SLC4A4: variants seen among roughly 807,000 people sequenced by gnomAD.
SLC4A4 encodes the protein solute carrier family 4 member 4, also known as electrogenic sodium bicarbonate cotransporter 1.
Under a neutral mutation model 111.5 loss-of-function variants are expected in SLC4A4, and 27 were observed. The ratio of observed to expected loss-of-function variants is 0.24; its 90% CI spans 0.18 to 0.33. The LOEUF (loss-of-function observed/expected upper bound fraction) is 0.33. Ranked by LOEUF, SLC4A4 falls within the 10% of genes least tolerant of loss-of-function variation. The probability of loss-of-function intolerance (pLI) is 1.00; values close to 1 mark genes in which losing one functional copy is unlikely to be tolerated. For synonymous variants in SLC4A4, 443 were observed against 463.4 expected, an observed-to-expected ratio of 0.96 and a Z score of 0.57; for missense variants, 909 against 1,315.5, an observed-to-expected ratio of 0.69 and a Z score of 4.78.
At chr4:71,249,248 T>C (rs181710410) in intron 2 of SLC4A4, among the ~76,000 whole-genome samples, 128 of 152,268 alleles carry the variant, frequency 8.4e-4, no homozygotes, top group African/African-American at 2.8e-3. Context: ...AGCGTTAAAA[T>C]TAAAATAAAT....
Position 71,366,345 on chromosome 4 carries a change from GT to G in SLC4A4, c.730+9159del, listed in dbSNP as rs1731315696. ...TGTGTGTGTGTGTGTGTGTGTGTGT[GT>G]GTGTGTGTGTATCTATTTGCTTGAT... On this transcript the variant is annotated intron_variant, in intron 6 of 25. Transcript: ENST00000264485. 4.6e-5 allele frequency among the ~76,000 whole-genome samples: 7 copies of G among 151,832 alleles called. No individual in the cohort carries two copies. The South Asian group carries it at 1.5e-3, about 32-fold the overall frequency.
intron 2 of SLC4A4, among the ~76,000 whole-genome samples, chr4:71,116,579 G>A (rs1286916086): frequency 6.6e-6 from 1 of 152,160 alleles, no homozygotes; most frequent in African/African-American, 2.4e-5. Context: ...GTAGACAATA[G>A]CTGGTTTTCA....
intron 2 of SLC4A4, among the ~76,000 whole-genome samples, chr4:71,247,627 T>G (rs1712732927): frequency 6.6e-6 from 1 of 152,216 alleles, no homozygotes; most frequent in South Asian, 2.1e-4. Flanking sequence ...GAATTAGCTA[T>G]TGTTTTTTTA....
chr4:71,154,186 T>C (rs1452444554), intron 2 of SLC4A4, among the ~76,000 whole-genome samples: 2 of 152,156 alleles, frequency 1.3e-5, no homozygotes, highest in Non-Finnish European at 2.9e-5. Context: ...TCTACAGACT[T>C]GATAACCTTT....
intron 8 of SLC4A4, 39 bp downstream of exon 8, chr4:71,440,812 T>C (rs952546122): frequency 3.7e-6 from 6 of 1,605,364 alleles, no homozygotes; most frequent in Middle Eastern, 1.8e-4. Context: ...AATGTGCTAA[T>C]AGGGTTATCT....
intron 7 of SLC4A4, among the ~76,000 whole-genome samples, chr4:71,420,126 C>A (rs1007834540): frequency 6.6e-6 from 1 of 152,112 alleles, no homozygotes; most frequent in Non-Finnish European, 1.5e-5. Flanking sequence ...ATAACCAATA[C>A]AGAGAAGTAC....
Position 71,439,383 on chromosome 4 carries a change from G to A in SLC4A4, c.808-1233G>A, listed in dbSNP as rs150699056. On this transcript the variant is annotated intron_variant, in intron 7 of 25. Coordinates refer to ENST00000264485, the MANE Select transcript of SLC4A4 (RefSeq NM_001098484.3). The stretch of plus-strand genomic sequence containing the variant: ...GCAAAGGTTGCAGTGAGCCGAGATC[G>A]CGCCACTGCACCACTGCACTTCAAC... Among the ~76,000 whole-genome samples, 1,018 of 125,280 alleles carry A rather than the reference G, an allele frequency of 8.1e-3. 10 individuals are homozygous for A. The highest frequency in any genetic ancestry group is 0.027 in the African/African-American group (903 of 33,494). 82.2% of individuals were successfully genotyped at this position (125,280 alleles called of 152,430 possible). A position where few individuals can be genotyped will look rare whatever the true frequency, so the allele number is the denominator to read the frequency against.
intron 6 of SLC4A4, among the ~76,000 whole-genome samples, chr4:71,372,577 T>C (rs1731989168): frequency 6.6e-6 from 1 of 152,220 alleles, no homozygotes; most frequent in Non-Finnish European, 1.5e-5. Flanking sequence ...ACTTGTGTCC[T>C]TTTGCATTTA....
At chr4:71,359,555 C>T (rs765024019) in intron 6 of SLC4A4, among the ~76,000 whole-genome samples, 10 of 152,050 alleles carry the variant, frequency 6.6e-5, no homozygotes, top group African/African-American at 2.4e-5. Context: ...GGAAAGTTTG[C>T]GTAGTTACCT....
intron 16 of SLC4A4, among the ~76,000 whole-genome samples, chr4:71,507,059 T>A (rs1467514748): frequency 6.6e-6 from 1 of 152,124 alleles, no homozygotes; most frequent in Non-Finnish European, 1.5e-5. Context: ...AAATTCGTCA[T>A]GACCAGACCT....
intron 16 of SLC4A4, among the ~76,000 whole-genome samples, chr4:71,530,962 G>T (rs1230206932): frequency 1.3e-5 from 2 of 152,072 alleles, no homozygotes; most frequent in Non-Finnish European, 2.9e-5. Flanking sequence ...TTTAGGAGCA[G>T]GCTTCCTTGT....
At chr4:71,215,730 C>T (rs1053655733) in intron 1 of SLC4A4, among the ~76,000 whole-genome samples, 2 of 152,084 alleles carry the variant, frequency 1.3e-5, no homozygotes, top group Non-Finnish European at 2.9e-5. Context: ...TGGGTGTGTG[C>T]TGCCGTGATG....
intron 23 of SLC4A4, among the ~76,000 whole-genome samples, 194 bp from the exon 24 acceptor site, chr4:71,563,599 C>G (rs972825140): frequency 5.3e-5 from 8 of 151,698 alleles, no homozygotes; most frequent in African/African-American, 1.7e-4. Context: ...ATACCATTAA[C>G]TTAGAAGAGT....
chr4:71,392,585 C>G (rs1719404964), intron 6 of SLC4A4, among the ~76,000 whole-genome samples: 1 of 152,032 alleles, frequency 6.6e-6, no homozygotes, highest in Admixed American at 6.6e-5. Flanking sequence ...TAGAATTGGT[C>G]AGGCGTATTC....
At chr4:71,504,467 T>C (rs1185771164) in intron 16 of SLC4A4, among the ~76,000 whole-genome samples, 9 of 152,038 alleles carry the variant, frequency 5.9e-5, no homozygotes, top group Non-Finnish European at 1.3e-4. Context: ...GATTTCTGTT[T>C]GATTCTTTTT....
intron 15 of SLC4A4, among the ~76,000 whole-genome samples, chr4:71,487,663 T>C (rs1729539869): frequency 6.6e-6 from 1 of 151,630 alleles, no homozygotes; most frequent in African/African-American, 2.4e-5. Flanking sequence ...GAACATGGAA[T>C]CTTACCAAAG....
chr4:71,189,422 A>G (rs189998924), intron 1 of SLC4A4, among the ~76,000 whole-genome samples: 1 of 152,358 alleles, frequency 6.6e-6, no homozygotes, highest in East Asian at 1.9e-4. Context: ...ATTTACAAAA[A>G]TGTTGTGTGA....
intron 2 of SLC4A4, among the ~76,000 whole-genome samples, chr4:71,131,774 C>T (rs1027146038): frequency 2.0e-5 from 3 of 152,038 alleles, no homozygotes; most frequent in Admixed American, 2.0e-4. Flanking sequence ...TAGCAGGGAG[C>T]AGAAAACCAA....
intron 6 of SLC4A4, among the ~76,000 whole-genome samples, chr4:71,374,684 C>T (rs1420423304): frequency 3.3e-5 from 5 of 151,906 alleles, no homozygotes; most frequent in Non-Finnish European, 7.4e-5. Context: ...AGAATAAAAA[C>T]GTAGAAATTC....
Sources: gnomAD v4.1 joint callset for allele counts (sites outside exome capture counted in the v4.1 genomes callset) on GRCh38, gnomAD v4.1.1 for gene constraint, MANE v1.5 for transcripts, NCBI Gene and HGNC (gene_info 2026-07-23, HGNC 2026-07-21) for gene names.